Variants in ERCC5 observed in about 807,000 individuals in gnomAD.
ERCC5 encodes the protein ERCC excision repair 5, endonuclease, also known as DNA excision repair protein ERCC-5.
ERCC5 carries 68 observed loss-of-function variants against 105.6 expected under a neutral mutation model. The ratio of observed to expected loss-of-function variants is 0.64; its 90% CI spans 0.53 to 0.79. The LOEUF (loss-of-function observed/expected upper bound fraction) is 0.79. Ranked by LOEUF, ERCC5 falls within the 30% of genes least tolerant of loss-of-function variation. The probability of loss-of-function intolerance (pLI) is 0.00; values close to 1 mark genes in which losing one functional copy is unlikely to be tolerated. For missense variants in ERCC5, 1,373 were observed against 1,426.7 expected, an observed-to-expected ratio of 0.96 and a Z score of 0.61; for synonymous variants, 546 against 526.2, an observed-to-expected ratio of 1.04 and a Z score of -0.51.
chr13:102,856,336 A>G (rs997129290), intron 5 of ERCC5, among the ~76,000 whole-genome samples: 8 of 152,172 alleles, frequency 5.3e-5, no homozygotes, highest in Admixed American at 2.6e-4. Context: ...ATGCACATCT[A>G]TATATTCAAA....
In ERCC5 at chr13:102,868,160, G is replaced by T. The variant is rs777538785; in HGVS notation, c.2581G>T (p.Asp861Tyr). The T allele has an allele frequency of 6.2e-7, 1 of 1,614,194 alleles. No homozygotes were observed. Among genetic ancestry groups the T allele is most frequent in the South Asian group, 1.1e-5 (1 of 91,084 alleles). ...AAATTTGGCTTATTTGCTTGGAAGT[G>T]ATTATACCGAAGGAATACCAACTGT... ...LINLAYLLGS[D>Y]YTEGIPTVGC... Residue 861 changes from aspartate to tyrosine, a missense_variant, in exon 12 of 15, where the codon GAT becomes TAT. Coordinates refer to ENST00000652225, the MANE Select transcript of ERCC5 (RefSeq NM_000123.4).
chr13:102,849,734 C>G (rs187007066), intron 1 of ERCC5, among the ~76,000 whole-genome samples: 19 of 152,248 alleles, frequency 1.2e-4, no homozygotes, highest in Admixed American at 1.0e-3. Context: ...AGCACACAGG[C>G]TGGGTTTTTT....
At chr13:102,850,350 A>G (rs1304570342) in intron 1 of ERCC5, among the ~76,000 whole-genome samples, 2 of 152,182 alleles carry the variant, frequency 1.3e-5, no homozygotes. Flanking sequence ...AAACTGTTTC[A>G]GGCAGAGGAA....
Position 102,865,750 on chromosome 13 carries a change from C to T in ERCC5, c.2038C>T (p.Gln680Ter), listed in dbSNP as rs763273420. ...TGAAACTTCCAAACCTCCCTCAGAA[C>T]AAGGCGAAGAGGAACTGGTAGGAAC... ...FPETSKPPSE[Q>*]GEEELVGTRE... Residue 680 changes from glutamine (Q) to a stop codon, truncating the protein, a stop_gained, in exon 9 of 15, where the codon CAA (glutamine) becomes TAA (stop). Transcript: ENST00000652225. LOFTEE classifies it high-confidence loss of function. This position sits in a 1 kb window ranked among gnomAD's most constrained non-coding sequence, Gnocchi z 4.0. 6.2e-7 allele frequency: 1 copy of T among 1,614,014 alleles called. No homozygotes were observed. Among genetic ancestry groups the T allele is most frequent in the Non-Finnish European group, 8.5e-7 (1 of 1,179,948 alleles).
chr13:102,863,247 AG>A (rs1025673680), intron 8 of ERCC5, 144 bp downstream of exon 8: 1 of 952,894 alleles, frequency 1.0e-6, no homozygotes, highest in African/African-American at 1.6e-5. Flanking sequence ...TGACTTTCCC[AG>A]GGAGTCACAG....
At chr13:102,870,130 T>C (rs1332008987) in intron 12 of ERCC5, among the ~76,000 whole-genome samples, 1 of 152,232 alleles carries the variant, frequency 6.6e-6, no homozygotes, top group African/African-American at 2.4e-5. Flanking sequence ...GCACCCTGGC[T>C]GGTGAATCAT....
Position 102,863,079 on chromosome 13 carries a change from G to C in ERCC5, c.1930G>C (p.Asp644His). 1 of 1,613,936 alleles carries C rather than the reference G, an allele frequency of 6.2e-7. No homozygotes were observed. Among genetic ancestry groups the C allele is most frequent in the South Asian group, 1.1e-5 (1 of 91,062 alleles). The change falls in exon 8 of 15, where the codon GAC (aspartate) becomes CAC (histidine). Residue 644 changes from aspartate (D) to histidine (H), a missense_variant. By Grantham distance (81) the Asp-to-His change is moderately conservative (BLOSUM62 -1). Transcript: ENST00000652225. ...IPKAVEPMEI[D>H]SEESESDGSF... The stretch of plus-strand genomic sequence containing the variant: ...AAAGGCCGTGGAACCAATGGAAATT[G>C]ACTCGGAAGAAAGTGAATCTGATGG...
Position 102,858,402 on chromosome 13 carries a change from T to G in ERCC5, c.656T>G (p.Phe219Cys), listed in dbSNP as rs1295781136. Residue 219 changes from phenylalanine (F) to cysteine (C), a missense_variant, in exon 6 of 15, where the codon TTT (phenylalanine) becomes TGT (cysteine). Phe to Cys is a radical substitution (Grantham distance 205). Transcript: ENST00000652225. ...TTCACCAAGCGCAGAAGAACATTAT[T>G]TGAAGCAATGCCAGAGGTGAAATAT... ...KEFTKRRRTL[F>C]EAMPEESDDF... 6.2e-7 allele frequency: 1 copy of G among 1,613,994 alleles called. No individual in the cohort carries two copies. Among genetic ancestry groups the G allele is most frequent in the South Asian group, 1.1e-5 (1 of 91,088 alleles).
At chr13:102,849,875 T>G (rs144772087) in intron 1 of ERCC5, among the ~76,000 whole-genome samples, 1 of 152,214 alleles carries the variant, frequency 6.6e-6, no homozygotes, top group Non-Finnish European at 1.5e-5. Flanking sequence ...CCTTCAATGT[T>G]CTTTTCCTAT....
chr13:102,858,300 C>T lies in ERCC5; in HGVS notation c.554C>T (p.Ala185Val), dbSNP rs151061520. Residue 185 changes from alanine to valine, a missense_variant, in exon 6 of 15, where the codon GCG becomes GTG. By Grantham distance (64) the Ala-to-Val change is moderately conservative. Coordinates refer to ENST00000652225, the MANE Select transcript of ERCC5 (RefSeq NM_000123.4). Reference protein sequence around the residue: ...LQEEFFHNPQAIDIESEDFSS... With the variant: ...LQEEFFHNPQVIDIESEDFSS... ...GAAGAGTTCTTTCATAATCCTCAAG[C>T]GATAGATATTGAGTCTGAGGACTTC... 1.1e-4 allele frequency: 172 copies of T among 1,613,922 alleles called. 1 individual carries two copies. The highest frequency in any genetic ancestry group is 6.0e-4 in the East Asian group (27 of 44,866).
chr13:102,847,146 G>A (rs1480567190), intron 1 of ERCC5, among the ~76,000 whole-genome samples: 1 of 152,060 alleles, frequency 6.6e-6, no homozygotes, highest in East Asian at 1.9e-4. Context: ...GTGGACAGGT[G>A]TTTTACCCAT....
Position 102,865,449 on chromosome 13 carries a change from G to T in ERCC5, c.1955-218G>T, listed in dbSNP as rs1882796644. On this transcript the variant is annotated intron_variant, in intron 8 of 14. Coordinates refer to ENST00000652225, the MANE Select transcript of ERCC5 (RefSeq NM_000123.4). The surrounding 1 kb of genome is among the most constrained non-coding windows in gnomAD (Gnocchi z 4.0). ...AGAGTTTCCTACTTTCAAAGACAGT[G>T]CCAGTTTACCTAATTGAAAAGGCTT... 1.8e-6 allele frequency: 1 copy of T among 548,316 alleles called. No homozygotes were observed. The allele number at this position is 548,316 out of a possible 1,614,324, so 34.0% of individuals were successfully genotyped here.
chr13:102,870,159 T>C (rs961807301), intron 12 of ERCC5, among the ~76,000 whole-genome samples: 1 of 152,214 alleles, frequency 6.6e-6, no homozygotes, highest in Non-Finnish European at 1.5e-5. Flanking sequence ...TGGGGCTGCA[T>C]TGGGCCTGCA....
At position 102,855,902 on chromosome 13, in the gene ERCC5, C is replaced by T. The variant is rs569116362; in HGVS notation, c.468-150C>T. 27 of 758,384 alleles carry T rather than the reference C, an allele frequency of 3.6e-5. No individual in the cohort carries two copies. In the African/African-American group the frequency reaches 4.2e-4, roughly 12 times the overall value. The allele number at this position is 758,384 out of a possible 1,614,324, so 47.0% of individuals were successfully genotyped here. A position where few individuals can be genotyped will look rare whatever the true frequency, so the allele number is the denominator to read the frequency against. On this transcript the variant is annotated intron_variant, in intron 4 of 14. Coordinates refer to ENST00000652225, the MANE Select transcript of ERCC5 (RefSeq NM_000123.4). ...CTCTAATTGCTTACTTACACGTGTC[C>T]CCCACCAGACCATGAGACCAGTAGT...
chr13:102,846,039 G>T lies in ERCC5; in HGVS notation c.-228G>T. ...TTCTCTGGACCTGTCTTTCTTCCGGGAGGCGGTGACAGCTGCTGAGACGTG... is the reference window on the plus strand; with the variant it reads ...TTCTCTGGACCTGTCTTTCTTCCGGTAGGCGGTGACAGCTGCTGAGACGTG... On this transcript the variant is annotated 5_prime_UTR_variant, in exon 1 of 15. Coordinates refer to ENST00000652225, the MANE Select transcript of ERCC5 (RefSeq NM_000123.4). 1.8e-6 allele frequency: 1 copy of T among 565,340 alleles called. No individual in the cohort carries two copies. The highest frequency in any genetic ancestry group is 3.2e-6 in the Non-Finnish European group (1 of 317,098). The allele number at this position is 565,340 out of a possible 1,614,324, so 35.0% of individuals were successfully genotyped here.
intron 5 of ERCC5, among the ~76,000 whole-genome samples, 199 bp downstream of exon 5, chr13:102,856,311 A>G (rs1882419692): frequency 6.6e-6 from 1 of 151,834 alleles, no homozygotes; most frequent in African/African-American, 2.4e-5. Flanking sequence ...ATATATATAT[A>G]TGGAATTTGC....
chr13:102,867,641 C>T (rs1033127674), intron 11 of ERCC5, among the ~76,000 whole-genome samples: 4 of 152,090 alleles, frequency 2.6e-5, no homozygotes, highest in Non-Finnish European at 5.9e-5. Context: ...CTAGGGTATG[C>T]AGGCAGATTG....
chr13:102,869,056 T>C (rs1198719167), intron 12 of ERCC5, among the ~76,000 whole-genome samples: 1 of 152,200 alleles, frequency 6.6e-6, no homozygotes, highest in Non-Finnish European at 1.5e-5. Flanking sequence ...AGATGCTGTT[T>C]GGTGGTGGCT....
chr13:102,854,245 G>T, intron 3 of ERCC5, 43 bp from the exon 4 acceptor site: 1 of 1,590,284 alleles, frequency 6.3e-7, no homozygotes, highest in Non-Finnish European at 8.6e-7. Flanking sequence ...ACCATCCTGA[G>T]CAGGGTCTGC....
Sources: gnomAD v4.1 joint callset for allele counts (sites outside exome capture counted in the v4.1 genomes callset) on GRCh38, gnomAD v4.1.1 for gene constraint, Gnocchi (gnomAD v3.1) non-coding constraint, MANE v1.5 for transcripts, NCBI Gene and HGNC (gene_info 2026-07-23, HGNC 2026-07-21) for gene names.